Variants in LEPR observed in about 807,000 individuals in gnomAD.
LEPR encodes OB receptor.
In LEPR, 56 loss-of-function variants were observed where a neutral mutation model predicts 114.7. The observed-to-expected ratio is 0.49, with a 90% confidence interval of 0.39 to 0.61. The LOEUF is 0.61. Among genes scored for constraint, LEPR ranks in the 20% least tolerant of loss-of-function variants. The pLI, the probability that LEPR is intolerant of heterozygous loss-of-function variation, is 0.00. For missense variants in LEPR, 1,202 were observed against 1,352.9 expected (o/e 0.89, Z 1.75); for synonymous variants, 443 against 461.4 (o/e 0.96, Z 0.51).
chr1:65,588,480 T>A (rs936658118), intron 5 of LEPR, among the ~76,000 whole-genome samples: 1 of 151,998 alleles, frequency 6.6e-6, no homozygotes, highest in Non-Finnish European at 1.5e-5. Context: ...ATCTGAGAAA[T>A]CACTCATAAA....
At chr1:65,530,048 A>C (rs1340096694) in intron 2 of LEPR, among the ~76,000 whole-genome samples, 1 of 152,160 alleles carries the variant, frequency 6.6e-6, no homozygotes, top group Non-Finnish European at 1.5e-5. Context: ...AGATCTTTAT[A>C]TTCCAGCTGT....
chr1:65,580,434 A>C (rs10493380), intron 5 of LEPR, among the ~76,000 whole-genome samples: 22,449 of 152,268 alleles, frequency 0.15, 1,915 homozygotes, highest in Middle Eastern at 0.23. Flanking sequence ...AAAAGGGATA[A>C]AATCTAATGT....
Position 65,581,086 on chromosome 1 carries a change from T to C in LEPR, c.494+8637T>C, listed in dbSNP as rs1265734849. 2.0e-5 allele frequency among the ~76,000 whole-genome samples: 3 copies of C among 152,364 alleles called. No homozygotes were observed. The East Asian group carries it at 5.8e-4, about 29-fold the overall frequency. The stretch of plus-strand genomic sequence containing the variant: ...GCATTCTTGATGATTTCAGCATCCA[T>C]GTGATTAATCTTCAGTTTCTTGAAT... On this transcript the variant is annotated intron_variant, in intron 5 of 19. Transcript: ENST00000349533.
intron 14 of LEPR, among the ~76,000 whole-genome samples, chr1:65,611,533 G>A (rs1411354428): frequency 2.6e-5 from 4 of 152,222 alleles, no homozygotes; most frequent in African/African-American, 7.2e-5. Flanking sequence ...GGCCAGCTAT[G>A]AGCAGAATTT....
chr1:65,579,600 G>A (rs1255126726), intron 5 of LEPR, among the ~76,000 whole-genome samples: 1 of 152,160 alleles, frequency 6.6e-6, no homozygotes, highest in African/African-American at 2.4e-5. Context: ...CCTTTGCATA[G>A]TAGTACCTTC....
chr1:65,450,738 C>T (rs1243721676), intron 2 of LEPR, among the ~76,000 whole-genome samples: 68 of 148,582 alleles, frequency 4.6e-4, no homozygotes, highest in Non-Finnish European at 3.3e-4. Context: ...AATAAACATA[C>T]GTGTGCATGT....
Position 65,593,132 on chromosome 1 carries a change from T to C in LEPR, c.703+267T>C, listed in dbSNP as rs1464839458. ...GTAATGGATGTATATTGATTGGATATCACTTTTTCACATCTCAGATAACTA... is the reference window on the plus strand; with the variant it reads ...GTAATGGATGTATATTGATTGGATACCACTTTTTCACATCTCAGATAACTA... On this transcript the variant is annotated intron_variant, in intron 6 of 19. Transcript: ENST00000349533. Among the ~76,000 whole-genome samples, 4 of 151,858 alleles carry C rather than the reference T, an allele frequency of 2.6e-5. 1 individual carries two copies. In the South Asian group the frequency reaches 6.2e-4, roughly 24 times the overall value.
At chr1:65,455,168 C>T (rs1230518341) in intron 2 of LEPR, among the ~76,000 whole-genome samples, 1 of 152,158 alleles carries the variant, frequency 6.6e-6, no homozygotes, top group African/African-American at 2.4e-5. Flanking sequence ...ATTGGTTATT[C>T]TAGTTATGCA....
chr1:65,605,004 G>A lies in LEPR; in HGVS notation c.1404-34G>A, dbSNP rs146481833. ...ATATCTTCTTGTTGCTTTTATTAAT[G>A]TATACTAATTGACTATTTTTGTATC... On this transcript the variant is annotated intron_variant, in intron 10 of 19. Coordinates refer to ENST00000349533, the MANE Select transcript of LEPR (RefSeq NM_002303.6). 8.2e-4 allele frequency: 1,323 copies of A among 1,604,594 alleles called. 14 individuals carry two copies. In the African/African-American group the frequency reaches 0.014, roughly 17 times the overall value.
chr1:65,555,134 A>G (rs1308667203), intron 2 of LEPR, among the ~76,000 whole-genome samples: 2 of 152,130 alleles, frequency 1.3e-5, no homozygotes, highest in Non-Finnish European at 2.9e-5. Flanking sequence ...CCTGGGAGCT[A>G]CAGACCAGAG....
intron 3 of LEPR, among the ~76,000 whole-genome samples, chr1:65,568,726 T>A (rs1653949273): frequency 6.6e-6 from 1 of 152,086 alleles, no homozygotes; most frequent in Non-Finnish European, 1.5e-5. Flanking sequence ...TAGTTCTACT[T>A]TTAGTTCTTT....
In LEPR at chr1:65,639,372, T is replaced by C. The variant is rs2101050024; in HGVS notation, c.*2357T>C. 1 of 152,338 alleles carries C rather than the reference T, an allele frequency of 6.6e-6. No homozygotes were observed. Among genetic ancestry groups the C allele is most frequent in the Non-Finnish European group, 1.5e-5 (1 of 68,026 alleles). The allele number at this position is 152,338 out of a possible 1,614,324, so 9.4% of individuals were successfully genotyped here. A position where few individuals can be genotyped will look rare whatever the true frequency, so the allele number is the denominator to read the frequency against. On this transcript the variant is annotated 3_prime_UTR_variant, in exon 20 of 20. Transcript: ENST00000349533. Reference sequence around the variant, plus strand: ...GCTGAACAAGTATAGTTTGGCCTATTGGTATGTATAGACTTAGATCATATT... The same window carrying C: ...GCTGAACAAGTATAGTTTGGCCTATCGGTATGTATAGACTTAGATCATATT...
chr1:65,570,809 A>G lies in LEPR; in HGVS notation c.370+7A>G, dbSNP rs370378421. Reference sequence around the variant, plus strand: ...TTAGTTTTTCAACAAATAGGTAAGCATTAGCTATGTTTTAAATGTATTGAA... The same window carrying G: ...TTAGTTTTTCAACAAATAGGTAAGCGTTAGCTATGTTTTAAATGTATTGAA... On this transcript the variant is annotated splice_region_variant and intron_variant, in intron 4 of 19. Transcript: ENST00000349533. 1.3e-6 allele frequency: 2 copies of G among 1,540,824 alleles called. No individual in the cohort carries two copies. Among genetic ancestry groups the G allele is most frequent in the African/African-American group, 2.8e-5 (2 of 72,348 alleles).
At chr1:65,524,808 C>G (rs909993119) in intron 2 of LEPR, among the ~76,000 whole-genome samples, 5 of 152,178 alleles carry the variant, frequency 3.3e-5, no homozygotes, top group African/African-American at 4.8e-5. Context: ...TGTCTGTCCT[C>G]CCACCCCTAA....
chr1:65,544,207 T>G (rs1557651278), intron 2 of LEPR, among the ~76,000 whole-genome samples: 1 of 152,128 alleles, frequency 6.6e-6, no homozygotes, highest in Non-Finnish European at 1.5e-5. Context: ...GTAGCAATTG[T>G]GAATGGGAGT....
At chr1:65,606,642 G>A (rs1557692180) in intron 11 of LEPR, among the ~76,000 whole-genome samples, 2 of 151,860 alleles carry the variant, frequency 1.3e-5, no homozygotes, top group Non-Finnish European at 1.5e-5. Flanking sequence ...TCTGCAGACT[G>A]GATATTCACT....
At chr1:65,632,832 G>A (rs532095009) in intron 19 of LEPR, among the ~76,000 whole-genome samples, 1 of 150,760 alleles carries the variant, frequency 6.6e-6, no homozygotes, top group Non-Finnish European at 1.5e-5. Flanking sequence ...TATTGCTGTT[G>A]GTTCTCCCTC....
intron 2 of LEPR, among the ~76,000 whole-genome samples, chr1:65,480,751 TTCACAC>T (rs1296218050): frequency 2.6e-5 from 4 of 151,968 alleles, no homozygotes; most frequent in African/African-American, 9.7e-5. Context: ...CTTGTCAAAG[TTCACAC>T]TACCAGTAAT....
intron 2 of LEPR, among the ~76,000 whole-genome samples, chr1:65,551,365 G>A (rs1012087585): frequency 2.0e-5 from 3 of 152,130 alleles, no homozygotes; most frequent in Non-Finnish European, 4.4e-5. Flanking sequence ...TTGGTTGGTA[G>A]GCTATTAATT....
Sources: allele counts gnomAD v4.1 joint callset (sites outside exome capture counted in the v4.1 genomes callset), GRCh38; gene constraint gnomAD v4.1.1; transcripts MANE v1.5; gene names NCBI Gene and HGNC (gene_info 2026-07-23, HGNC 2026-07-21).